The following PRRT1 variants were observed in gnomAD, a reference collection of about 807,000 sequenced individuals.
The protein encoded by PRRT1 is proline-rich transmembrane protein 1.
PRRT1 carries 8 observed loss-of-function variants against 22.6 expected under a neutral mutation model. The ratio of observed to expected loss-of-function variants is 0.35; its 90% CI spans 0.21 to 0.64. PRRT1 has a LOEUF of 0.64. Among genes scored for constraint, PRRT1 ranks in the 30% least tolerant of loss-of-function variants. PRRT1 has a pLI of 0.69. For missense variants in PRRT1, 315 were observed against 444.5 expected (o/e 0.71, Z 2.62); for synonymous variants, 176 against 203.6 (o/e 0.86, Z 1.15).
chr6:32,150,328 G>A lies in PRRT1; in HGVS notation c.558+40C>T. The A allele has an allele frequency of 6.5e-7, 1 of 1,542,068 alleles. No individual in the cohort carries two copies. The highest frequency in any genetic ancestry group is 2.2e-5 in the Admixed American group (1 of 45,488). ...TCCCCAATTTCAAGTCCTGTATCGC[G>A]TCCCCCTCTTTCCCATGTCCCTGTC... is the stretch of plus-strand genomic sequence containing the variant. On this transcript the variant is annotated intron_variant, in intron 2 of 3. Transcript: ENST00000211413. This position sits in a 1 kb window ranked among gnomAD's most constrained non-coding sequence, Gnocchi z 7.2.
intron 1 of PRRT1, 109 bp downstream of exon 1, chr6:32,151,700 G>T: frequency 1.7e-6 from 1 of 598,804 alleles, no homozygotes; most frequent in South Asian, 1.7e-5. Flanking sequence ...GAGAGAAGGG[G>T]AATGAAATAG....
upstream of PRRT1, chr6:32,151,985 G>T: frequency 5.2e-6 from 1 of 191,682 alleles, no homozygotes; most frequent in South Asian, 3.2e-5. Flanking sequence ...GGCGGAGGGA[G>T]AGCGGGGAGG....
chr6:32,151,034 C>G (rs766786790), intron 1 of PRRT1, 128 bp from the exon 2 acceptor site: 1 of 821,368 alleles, frequency 1.2e-6, no homozygotes, highest in South Asian at 1.4e-5. Flanking sequence ...TAGAGAGAGA[C>G]GGGTGAGAAA....
Position 32,149,790 on chromosome 6 carries a change from G to T in PRRT1, c.559-68C>A. The T allele has an allele frequency of 2.7e-6, 3 of 1,091,702 alleles. No individual in the cohort carries two copies. The highest frequency in any genetic ancestry group is 5.2e-5 in the East Asian group (2 of 38,688). 67.6% of individuals were successfully genotyped at this position (1,091,702 alleles called of 1,614,324 possible). ...TCTCCCAGCCTACCAGCGTTGGGCGGCTGGCAGAGTGGCTTTAAAAGCACA... is the reference window on the plus strand; with the variant it reads ...TCTCCCAGCCTACCAGCGTTGGGCGTCTGGCAGAGTGGCTTTAAAAGCACA... On this transcript the variant is annotated intron_variant, in intron 2 of 3. Coordinates refer to ENST00000211413, the MANE Select transcript of PRRT1 (RefSeq NM_030651.4). This position sits in a 1 kb window ranked among gnomAD's most constrained non-coding sequence, Gnocchi z 8.7.
rs1196144468 is a variant in PRRT1, at chr6:32,149,502, C to T, written c.744+35G>A. The T allele has an allele frequency of 6.2e-7, 1 of 1,610,838 alleles. No individual in the cohort carries two copies. The highest frequency in any genetic ancestry group is 1.1e-5 in the South Asian group (1 of 90,874). ...CCCAGAACGCCCAGAACTCCCTGTC[C>T]CCGCCCCCAAACCGAGTATGCCCCT... is the stretch of plus-strand genomic sequence containing the variant. On this transcript the variant is annotated intron_variant, in intron 3 of 3. Transcript: ENST00000211413. This position sits in a 1 kb window ranked among gnomAD's most constrained non-coding sequence, Gnocchi z 8.7.
At position 32,148,654 on chromosome 6, in the gene PRRT1, T is replaced by C; in HGVS notation, c.*568A>G. 1 of 375,088 alleles carries C rather than the reference T, an allele frequency of 2.7e-6. No individual in the cohort carries two copies. The highest frequency in any genetic ancestry group is 1.9e-5 in the South Asian group (1 of 51,830). 23.2% of individuals were successfully genotyped at this position (375,088 alleles called of 1,614,324 possible). On this transcript the variant is annotated 3_prime_UTR_variant, in exon 4 of 4. Coordinates refer to ENST00000211413, the MANE Select transcript of PRRT1 (RefSeq NM_030651.4). The surrounding 1 kb of genome is among the most constrained non-coding windows in gnomAD (Gnocchi z 5.7). ...TGGGATTAGCAAGAAAATAGGCAGATACCTGGGTGGAGGAGGGACAAAAAT... is the reference window on the plus strand; with the variant it reads ...TGGGATTAGCAAGAAAATAGGCAGACACCTGGGTGGAGGAGGGACAAAAAT...
upstream of PRRT1, chr6:32,151,980 A>AGGGGGGGGGGGGGGG: frequency 3.8e-5 from 3 of 78,284 alleles, no homozygotes; most frequent in African/African-American, 4.8e-4. Context: ...GGGCGGGCGG[A>AGGGGGGGGGGGGGGG]GGGAGAGCGG....
upstream of PRRT1, chr6:32,151,964 C>A (rs1228745513): frequency 1.4e-3 from 147 of 107,946 alleles, 3 homozygotes; most frequent in South Asian, 6.6e-3. Flanking sequence ...GGGGGGGGGG[C>A]GGGGGGGGCG....
chr6:32,151,999 G>GGGGGC, upstream of PRRT1: 1 of 371,720 alleles, frequency 2.7e-6, no homozygotes, highest in Non-Finnish European at 5.4e-6. Context: ...GGGGAGGGGG[G>GGGGGC]GAGCTTAAAG....
chr6:32,151,980 A>AGGGG, upstream of PRRT1: 9 of 78,268 alleles, frequency 1.1e-4, no homozygotes, highest in Admixed American at 1.9e-4. Context: ...GGGCGGGCGG[A>AGGGG]GGGAGAGCGG....
rs116618351 is a variant in PRRT1 at position 32,148,544 on chromosome 6, T to C, written c.*678A>G. ...TGGAAGGGAGTATTTACAGAGCGTT[T>C]ACAGGCAGGTTTCTTATCCCAGGGA... On this transcript the variant is annotated 3_prime_UTR_variant, in exon 4 of 4. Coordinates refer to ENST00000211413, the MANE Select transcript of PRRT1 (RefSeq NM_030651.4). The surrounding 1 kb of genome is among the most constrained non-coding windows in gnomAD (Gnocchi z 5.7). 1,369 of 332,462 alleles carry C rather than the reference T, an allele frequency of 4.1e-3. 16 individuals carry two copies. The highest frequency in any genetic ancestry group is 0.026 in the African/African-American group (1,211 of 46,510). The allele number at this position is 332,462 out of a possible 1,614,324, so 20.6% of individuals were successfully genotyped here.
At chr6:32,152,800 A>G (rs1292533593), upstream of PRRT1, 1 of 152,152 alleles carries the variant, frequency 6.6e-6, no homozygotes, top group Non-Finnish European at 1.5e-5. Flanking sequence ...GTCGACCTGC[A>G]GTACAGCGTT....
In PRRT1 at chr6:32,149,301, G is replaced by T; in HGVS notation, c.842C>A (p.Ala281Glu). The T allele has an allele frequency of 6.2e-7, 1 of 1,610,922 alleles. No individual in the cohort carries two copies. The highest frequency in any genetic ancestry group is 8.5e-7 in the Non-Finnish European group (1 of 1,179,212). The change falls in exon 4 of 4, where the codon GCG becomes GAG. Residue 281 changes from alanine to glutamate, a missense_variant. Physicochemically the swap from Ala to Glu is moderately radical, Grantham distance 107 (BLOSUM62 -1). Coordinates refer to ENST00000211413, the MANE Select transcript of PRRT1 (RefSeq NM_030651.4). The surrounding 1 kb of genome is among the most constrained non-coding windows in gnomAD (Gnocchi z 8.7). ...FSFISLAVGI[A>E]AMVLCTILTV... ...GAGGATGGTACAGAGCACCATGGCCGCGATGCCCACGGCCAGGGAGATGAA... is the reference window on the plus strand; with the variant it reads ...GAGGATGGTACAGAGCACCATGGCCTCGATGCCCACGGCCAGGGAGATGAA...
chr6:32,148,909 C>G lies in PRRT1; in HGVS notation c.*313G>C, dbSNP rs1444211835. 3.1e-6 allele frequency: 2 copies of G among 649,160 alleles called. No homozygotes were observed. Among genetic ancestry groups the G allele is most frequent in the Non-Finnish European group, 5.7e-6 (2 of 350,946 alleles). The allele number at this position is 649,160 out of a possible 1,614,324, so 40.2% of individuals were successfully genotyped here. ...ATAGAGGAGGCGGGGTTTTAGGGAC[C>G]AAACCGAGGTTGCTCGGTTGGGGGC... On this transcript the variant is annotated 3_prime_UTR_variant, in exon 4 of 4. Coordinates refer to ENST00000211413, the MANE Select transcript of PRRT1 (RefSeq NM_030651.4). This position sits in a 1 kb window ranked among gnomAD's most constrained non-coding sequence, Gnocchi z 5.7.
rs775167910 is a variant in PRRT1 at position 32,149,309 on chromosome 6, C to T, written c.834G>A (p.Val278=). The change falls in exon 4 of 4, where the codon GTG becomes GTA. Residue 278 remains valine, a synonymous_variant. Transcript: ENST00000211413. The surrounding 1 kb of genome is among the most constrained non-coding windows in gnomAD (Gnocchi z 8.7). ...TACAGAGCACCATGGCCGCGATGCC[C>T]ACGGCCAGGGAGATGAAGGAGAAGT... ...ARNFSFISLA[V]GIAAMVLCTI... 1.9e-6 allele frequency: 3 copies of T among 1,610,726 alleles called. No individual in the cohort carries two copies. In the South Asian group the frequency reaches 3.3e-5, roughly 18 times the overall value.
chr6:32,148,631 G>C lies in PRRT1; in HGVS notation c.*591C>G. On this transcript the variant is annotated 3_prime_UTR_variant, in exon 4 of 4. Coordinates refer to ENST00000211413, the MANE Select transcript of PRRT1 (RefSeq NM_030651.4). This position sits in a 1 kb window ranked among gnomAD's most constrained non-coding sequence, Gnocchi z 5.7. ...AAAAAAAGCAAAAGGAAAGGTTCTG[G>C]GATTAGCAAGAAAATAGGCAGATAC... 2.8e-6 allele frequency: 1 copy of C among 362,340 alleles called. No individual in the cohort carries two copies. The highest frequency in any genetic ancestry group is 2.1e-5 in the South Asian group (1 of 48,548). 22.4% of individuals were successfully genotyped at this position (362,340 alleles called of 1,614,324 possible).
chr6:32,149,333 G>T lies in PRRT1; in HGVS notation c.810C>A (p.Asn270Lys). Residue 270 changes from asparagine (N) to lysine (K), a missense_variant, in exon 4 of 4, where the codon AAC becomes AAA. Around this residue, in one of 4 missense-constraint regions of PRRT1, gnomAD observed 3 missense variants for 30.0 expected, o/e 0.10. Coordinates refer to ENST00000211413, the MANE Select transcript of PRRT1 (RefSeq NM_030651.4). This position sits in a 1 kb window ranked among gnomAD's most constrained non-coding sequence, Gnocchi z 8.7. ...CCACGGCCAGGGAGATGAAGGAGAA[G>T]TTCCGGGCCTCGCGTGAAGCGATCT... ...SAEIASREAR[N>K]FSFISLAVGI... is the part of the protein sequence containing the mutation. The T allele has an allele frequency of 6.2e-7, 1 of 1,605,384 alleles. No homozygotes were observed. The highest frequency in any genetic ancestry group is 8.5e-7 in the Non-Finnish European group (1 of 1,174,806).
upstream of PRRT1, chr6:32,151,962 G>A (rs1783330932): frequency 1.0e-5 from 3 of 299,840 alleles, no homozygotes; most frequent in Non-Finnish European, 1.3e-5. Context: ...GGGGGGGGGG[G>A]GCGGGGGGGG....
In PRRT1 at chr6:32,149,708, C is replaced by A; in HGVS notation, c.573G>T (p.Gly191=). The change falls in exon 3 of 4, where the codon GGG becomes GGT. Residue 191 remains glycine (G), a synonymous_variant. Transcript: ENST00000211413. The surrounding 1 kb of genome is among the most constrained non-coding windows in gnomAD (Gnocchi z 8.7). ...AGGTCACTCCTGTTCCCCCCGGGGTCCCGCCTGCATATGGCTGTGGAAGGA... is the reference window on the plus strand; with the variant it reads ...AGGTCACTCCTGTTCCCCCCGGGGTACCGCCTGCATATGGCTGTGGAAGGA... ...VYPVGTPYAG[G]TPGGTGVTST... is the part of the protein sequence containing the mutation. 1 of 1,591,552 alleles carries A rather than the reference C, an allele frequency of 6.3e-7. No individual in the cohort carries two copies. The highest frequency in any genetic ancestry group is 1.1e-5 in the South Asian group (1 of 88,852).
Sources: allele counts gnomAD v4.1 joint callset, GRCh38; gene constraint gnomAD v4.1.1; regional missense constraint gnomAD v4.1.1; non-coding constraint Gnocchi (gnomAD v3.1); transcripts MANE v1.5; gene names NCBI Gene and HGNC (gene_info 2026-07-23, HGNC 2026-07-21).